Variants in PDZD8 observed in about 807,000 individuals in gnomAD.
The protein encoded by PDZD8 is PDZ domain containing 8.
PDZD8 carries 14 observed loss-of-function variants against 85.8 expected under a neutral mutation model. That is an observed-to-expected ratio of 0.16 (90% CI 0.11 to 0.26). The LOEUF (loss-of-function observed/expected upper bound fraction) is 0.26. Ranked by LOEUF, PDZD8 falls within the 10% of genes least tolerant of loss-of-function variation. PDZD8 has a pLI of 1.00. For synonymous variants in PDZD8, 592 were observed against 568.6 expected (o/e 1.04, Z -0.59); for missense variants, 1,197 against 1,424.3 (o/e 0.84, Z 2.57).
chr10:117,341,145 A>G (rs767224999), intron 1 of PDZD8, 43 bp from the exon 2 acceptor site: 1 of 1,593,092 alleles, frequency 6.3e-7, no homozygotes, highest in South Asian at 1.1e-5. Flanking sequence ...AATAATAAAC[A>G]CCACAGTTTA....
At position 117,282,685 on chromosome 10, in the gene PDZD8, C is replaced by T. The variant is rs1047997628; in HGVS notation, c.*583G>A. On this transcript the variant is annotated 3_prime_UTR_variant, in exon 5 of 5. Coordinates refer to ENST00000334464, the MANE Select transcript of PDZD8 (RefSeq NM_173791.5). ...AAATCAGCATAACAGACTAAAGCTG[C>T]AGCATCTGCTTTCATGTTACATTTG... The T allele has an allele frequency of 6.6e-6, 1 of 152,116 alleles. No individual in the cohort carries two copies. Among genetic ancestry groups the T allele is most frequent in the Non-Finnish European group, 1.5e-5 (1 of 68,034 alleles). 9.4% of individuals were successfully genotyped at this position (152,116 alleles called of 1,614,324 possible). A position where few individuals can be genotyped will look rare whatever the true frequency, so the allele number is the denominator to read the frequency against.
In PDZD8 at chr10:117,283,674, C is replaced by T; in HGVS notation, c.3059G>A (p.Gly1020Asp). ...DSVFIAVKEIGRDLYRGLPTE... is the reference protein window; with the variant it reads ...DSVFIAVKEIDRDLYRGLPTE... ...AGGCAAGCCCCTGTACAGATCACGACCAATTTCTTTAACTGCAATGAAAAC... is the reference window on the plus strand; with the variant it reads ...AGGCAAGCCCCTGTACAGATCACGATCAATTTCTTTAACTGCAATGAAAAC... Residue 1020 changes from glycine (G) to aspartate (D), a missense_variant, in exon 5 of 5, where the codon GGT becomes GAT. Transcript: ENST00000334464. 1 of 1,614,198 alleles carries T rather than the reference C, an allele frequency of 6.2e-7. No homozygotes were observed. The highest frequency in any genetic ancestry group is 8.5e-7 in the Non-Finnish European group (1 of 1,180,044).
chr10:117,316,383 A>G (rs1051552952), intron 3 of PDZD8, among the ~76,000 whole-genome samples: 17 of 152,196 alleles, frequency 1.1e-4, no homozygotes, highest in African/African-American at 3.9e-4. Flanking sequence ...TTAAAAATAA[A>G]AAGTCATGGC....
chr10:117,285,308 T>C lies in PDZD8; in HGVS notation c.1425A>G (p.Gln475=). ...LEENFLSSSC[Q]SGYEEEAAGL... is the part of the protein sequence containing the mutation. ...CGGCAGCTTCCTCTTCATAACCCGA[T>C]TGGCATGAGCTTGACAAAAAGTTTT... Residue 475 remains glutamine (Q), a synonymous_variant, in exon 5 of 5, where the codon CAA becomes CAG. Coordinates refer to ENST00000334464, the MANE Select transcript of PDZD8 (RefSeq NM_173791.5). 2.5e-6 allele frequency: 4 copies of C among 1,614,142 alleles called. No individual in the cohort carries two copies. The highest frequency in any genetic ancestry group is 3.4e-6 in the Non-Finnish European group (4 of 1,180,032).
At chr10:117,319,910 G>A (rs1351173900) in intron 2 of PDZD8, among the ~76,000 whole-genome samples, 2 of 151,988 alleles carry the variant, frequency 1.3e-5, no homozygotes, top group Non-Finnish European at 1.5e-5. Context: ...AGATCATGAG[G>A]TAGTAGTGAA....
intron 3 of PDZD8, among the ~76,000 whole-genome samples, chr10:117,316,583 G>A (rs1176156616): frequency 1.3e-5 from 2 of 152,090 alleles, no homozygotes; most frequent in Non-Finnish European, 2.9e-5. Context: ...CTCGGGAGGT[G>A]GAAGCTGAGG....
At chr10:117,354,532 C>G (rs1749014347) in intron 1 of PDZD8, among the ~76,000 whole-genome samples, 1 of 151,908 alleles carries the variant, frequency 6.6e-6, no homozygotes, top group Non-Finnish European at 1.5e-5. Flanking sequence ...CTAAACTATT[C>G]TGTAAGTTAC....
intron 3 of PDZD8, among the ~76,000 whole-genome samples, chr10:117,317,518 T>C (rs1386769824): frequency 6.6e-6 from 1 of 152,174 alleles, no homozygotes; most frequent in Admixed American, 6.6e-5. Flanking sequence ...ATGACAAGAT[T>C]AAAGTCTTAC....
intron 2 of PDZD8, among the ~76,000 whole-genome samples, chr10:117,331,962 C>T (rs555235233): frequency 5.9e-5 from 9 of 152,248 alleles, no homozygotes; most frequent in South Asian, 2.1e-4. Context: ...CCTAATTATA[C>T]GGAAGATTCT....
At chr10:117,355,104 A>G (rs1412062819) in intron 1 of PDZD8, among the ~76,000 whole-genome samples, 1 of 152,198 alleles carries the variant, frequency 6.6e-6, no homozygotes, top group Non-Finnish European at 1.5e-5. Context: ...AATTTTACTT[A>G]GATACTTCAA....
At chr10:117,311,817 T>C (rs182273839) in intron 3 of PDZD8, among the ~76,000 whole-genome samples, 1 of 151,722 alleles carries the variant, frequency 6.6e-6, no homozygotes, top group Admixed American at 6.6e-5. Context: ...CTATCAACCT[T>C]TGGCTGGAAG....
chr10:117,312,633 A>T (rs1844057940), intron 3 of PDZD8, among the ~76,000 whole-genome samples: 1 of 152,182 alleles, frequency 6.6e-6, no homozygotes, highest in African/African-American at 2.4e-5. Flanking sequence ...GGAACATGAG[A>T]TTTATCTTCA....
intron 1 of PDZD8, among the ~76,000 whole-genome samples, chr10:117,347,344 T>C (rs536161107): frequency 5.6e-4 from 86 of 152,338 alleles, no homozygotes; most frequent in Non-Finnish European, 9.1e-4. Flanking sequence ...TTCCTTTCTA[T>C]TGATCCCAGG....
intron 3 of PDZD8, among the ~76,000 whole-genome samples, chr10:117,310,345 T>G (rs2532840): frequency 6.6e-6 from 1 of 151,878 alleles, no homozygotes; most frequent in East Asian, 1.9e-4. Context: ...TTGCTCTGAT[T>G]TCCCTACTAC....
intron 4 of PDZD8, among the ~76,000 whole-genome samples, chr10:117,288,851 T>A (rs1844710980): frequency 6.6e-6 from 1 of 152,228 alleles, no homozygotes; most frequent in South Asian, 2.1e-4. Context: ...AAGGGATGAC[T>A]TTTGCTTTTT....
At chr10:117,356,573 C>T (rs1453747806) in intron 1 of PDZD8, among the ~76,000 whole-genome samples, 1 of 152,176 alleles carries the variant, frequency 6.6e-6, no homozygotes, top group African/African-American at 2.4e-5. Flanking sequence ...GTGTTCCCAA[C>T]TAACAAGTTA....
Position 117,278,694 on chromosome 10 carries a change from C to G in PDZD8, c.*4574G>C, listed in dbSNP as rs1565012352. Reference sequence around the variant, plus strand: ...GGAGCAAAGAACTTTAGAACAGACTCCTCAATCTTGTGACTTTCTTATTCT... The same window carrying G: ...GGAGCAAAGAACTTTAGAACAGACTGCTCAATCTTGTGACTTTCTTATTCT... On this transcript the variant is annotated 3_prime_UTR_variant, in exon 5 of 5. Transcript: ENST00000334464. 6.6e-6 allele frequency: 1 copy of G among 152,308 alleles called. No homozygotes were observed. Among genetic ancestry groups the G allele is most frequent in the African/African-American group, 2.4e-5 (1 of 41,570 alleles). 9.4% of individuals were successfully genotyped at this position (152,308 alleles called of 1,614,324 possible). A position where few individuals can be genotyped will look rare whatever the true frequency, so the allele number is the denominator to read the frequency against.
intron 3 of PDZD8, among the ~76,000 whole-genome samples, chr10:117,296,649 G>A (rs1217934439): frequency 6.6e-6 from 1 of 152,028 alleles, no homozygotes; most frequent in Non-Finnish European, 1.5e-5. Flanking sequence ...TCCACAAACA[G>A]AACAACACTT....
At chr10:117,316,576 G>A (rs970862479) in intron 3 of PDZD8, among the ~76,000 whole-genome samples, 27 of 152,216 alleles carry the variant, frequency 1.8e-4, no homozygotes, top group Non-Finnish European at 7.4e-5. Context: ...CCAGCTACTC[G>A]GGAGGTGGAA....
Sources: allele counts gnomAD v4.1 joint callset (sites outside exome capture counted in the v4.1 genomes callset), GRCh38; gene constraint gnomAD v4.1.1; transcripts MANE v1.5; gene names NCBI Gene and HGNC (gene_info 2026-07-23, HGNC 2026-07-21).